ELMO1: variants seen among roughly 807,000 people sequenced by gnomAD.
The protein encoded by ELMO1 is engulfment and cell motility 1.
Under a neutral mutation model 98.9 loss-of-function variants are expected in ELMO1, and 26 were observed. That is an observed-to-expected ratio of 0.26 (90% CI 0.19 to 0.36). The LOEUF (loss-of-function observed/expected upper bound fraction) is 0.36. Ranked by LOEUF, ELMO1 falls within the 10% of genes least tolerant of loss-of-function variation. The pLI, the probability that ELMO1 is intolerant of heterozygous loss-of-function variation, is 1.00. For synonymous variants in ELMO1, 346 were observed against 346.0 expected, an observed-to-expected ratio of 1.00 and a Z score of 0.00; for missense variants, 627 against 935.2, an observed-to-expected ratio of 0.67 and a Z score of 4.30.
chr7:37,331,293 CCG>C (rs1174127844), intron 2 of ELMO1, among the ~76,000 whole-genome samples: 7 of 150,580 alleles, frequency 4.6e-5, no homozygotes, highest in African/African-American at 1.7e-4. Flanking sequence ...CCTCAGCCTC[CCG>C]AGTAGCTGGG....
intron 6 of ELMO1, among the ~76,000 whole-genome samples, chr7:37,252,267 T>C (rs116688790): frequency 1.3e-5 from 2 of 152,162 alleles, no homozygotes; most frequent in Non-Finnish European, 1.5e-5. Flanking sequence ...AGAGCCCATA[T>C]AATCTAGACA....
At chr7:37,159,215 T>C (rs111458826) in intron 13 of ELMO1, among the ~76,000 whole-genome samples, 5,787 of 152,234 alleles carry the variant, frequency 0.038, 286 homozygotes, top group African/African-American at 0.11. Context: ...GACAAGTTGA[T>C]GGGTGCAGCA....
chr7:37,247,895 ATGTGTGTG>A (rs58502667), intron 6 of ELMO1, among the ~76,000 whole-genome samples: 3 of 146,642 alleles, frequency 2.0e-5, no homozygotes, highest in Non-Finnish European at 3.0e-5. Flanking sequence ...TTGAAATAAA[ATGTGTGTG>A]TGTGTGTGTG....
intron 13 of ELMO1, among the ~76,000 whole-genome samples, chr7:37,146,419 C>A (rs896950424): frequency 6.6e-6 from 1 of 152,184 alleles, no homozygotes; most frequent in African/African-American, 2.4e-5. Context: ...CACAGCAGCC[C>A]ATGGAGCTGG....
At chr7:37,042,381 A>C (rs1381361969) in intron 15 of ELMO1, among the ~76,000 whole-genome samples, 1 of 152,058 alleles carries the variant, frequency 6.6e-6, no homozygotes, top group Non-Finnish European at 1.5e-5. Flanking sequence ...AAATATTTCC[A>C]TATTAACCCT....
At chr7:37,258,703 C>A (rs1163783659) in intron 6 of ELMO1, among the ~76,000 whole-genome samples, 1 of 152,060 alleles carries the variant, frequency 6.6e-6, no homozygotes, top group Non-Finnish European at 1.5e-5. Flanking sequence ...AAAATTACTT[C>A]AGGGATTATA....
intron 4 of ELMO1, among the ~76,000 whole-genome samples, chr7:37,288,526 T>C (rs764696119): frequency 6.6e-6 from 1 of 152,196 alleles, no homozygotes; most frequent in Non-Finnish European, 1.5e-5. Flanking sequence ...ATGCCCCACC[T>C]TGTGTCACCT....
At chr7:37,363,493 ATC>A (rs1801780341) in intron 1 of ELMO1, among the ~76,000 whole-genome samples, 1 of 151,304 alleles carries the variant, frequency 6.6e-6, no homozygotes, top group Non-Finnish European at 1.5e-5. Context: ...GCATCCATCC[ATC>A]TCTCTCTCCC....
At chr7:37,350,174 G>C (rs2724014) in intron 1 of ELMO1, among the ~76,000 whole-genome samples, 56,533 of 152,040 alleles carry the variant, frequency 0.37, 11,006 homozygotes, top group Middle Eastern at 0.48. Flanking sequence ...TCAGAAATGA[G>C]GGAACACGGT....
chr7:36,922,517 T>C lies in ELMO1; in HGVS notation c.1438-27500A>G, dbSNP rs545988660. Among the ~76,000 whole-genome samples, 45 of 152,324 alleles carry C rather than the reference T, an allele frequency of 3.0e-4. 1 individual carries two copies. The South Asian group carries it at 7.5e-3, about 25-fold the overall frequency. On this transcript the variant is annotated intron_variant, in intron 16 of 21. Transcript: ENST00000310758. ...CAGTTTGTCATTATAATTAGTTTTA[T>C]TCTTGGATTGCGGGATCTTTTCTTT...
chr7:37,355,116 G>A (rs963249938), intron 1 of ELMO1, among the ~76,000 whole-genome samples: 4 of 152,184 alleles, frequency 2.6e-5, no homozygotes, highest in African/African-American at 7.2e-5. Flanking sequence ...CTTATTCCCA[G>A]AGGAGCACAG....
At chr7:36,907,684 C>T (rs755242640) in intron 16 of ELMO1, among the ~76,000 whole-genome samples, 2 of 152,220 alleles carry the variant, frequency 1.3e-5, no homozygotes, top group Non-Finnish European at 2.9e-5. Context: ...CATTCTCTCA[C>T]CCGAATGCAG....
chr7:37,184,790 T>G (rs1487011205), intron 13 of ELMO1, among the ~76,000 whole-genome samples: 3 of 151,848 alleles, frequency 2.0e-5, no homozygotes, highest in South Asian at 2.1e-4. Context: ...GGCATGTTAC[T>G]CAGGAGGCTG....
chr7:37,111,906 T>C (rs1785272835), intron 14 of ELMO1, among the ~76,000 whole-genome samples: 1 of 152,228 alleles, frequency 6.6e-6, no homozygotes, highest in South Asian at 2.1e-4. Flanking sequence ...TGTCTGCTCA[T>C]GGAACATATG....
intron 4 of ELMO1, among the ~76,000 whole-genome samples, chr7:37,294,887 C>G (rs932525369): frequency 6.6e-6 from 1 of 151,900 alleles, no homozygotes; most frequent in Admixed American, 6.6e-5. Flanking sequence ...GTAACCCCAG[C>G]TACTTGGGAG....
chr7:36,985,233 T>G (rs1202189612), intron 16 of ELMO1: 1 of 486,586 alleles, frequency 2.1e-6, no homozygotes, highest in East Asian at 1.5e-4. Context: ...CCTCTCTGGT[T>G]TTTCAGGGGT....
chr7:37,111,463 T>C (rs945857026), intron 14 of ELMO1, among the ~76,000 whole-genome samples: 7 of 152,330 alleles, frequency 4.6e-5, no homozygotes, highest in South Asian at 4.1e-4. Context: ...AGCAGGAGTA[T>C]TGATACCACA....
chr7:37,359,805 C>A (rs2131322927), intron 1 of ELMO1, among the ~76,000 whole-genome samples: 1 of 152,298 alleles, frequency 6.6e-6, no homozygotes, highest in Non-Finnish European at 1.5e-5. Context: ...AAGAAAAAGG[C>A]TTTATGCACT....
chr7:37,402,403 G>A (rs904468011), intron 1 of ELMO1, among the ~76,000 whole-genome samples: 5 of 152,100 alleles, frequency 3.3e-5, no homozygotes, highest in Non-Finnish European at 7.4e-5. Context: ...TGGGTTTTTC[G>A]TGGGGTAAAG....
Sources: gnomAD v4.1 joint callset for allele counts (sites outside exome capture counted in the v4.1 genomes callset) on GRCh38, gnomAD v4.1.1 for gene constraint, MANE v1.5 for transcripts, NCBI Gene and HGNC (gene_info 2026-07-23, HGNC 2026-07-21) for gene names.